PGAP1: variants seen among roughly 807,000 people sequenced by gnomAD.
The protein encoded by PGAP1 is post-GPI attachment to proteins inositol deacylase 1, also known as GPI inositol-deacylase.
Under a neutral mutation model 127.0 loss-of-function variants are expected in PGAP1, and 76 were observed. The ratio of observed to expected loss-of-function variants is 0.60; its 90% CI spans 0.50 to 0.72. The LOEUF is 0.72. PGAP1 is among the 30% of genes least tolerant of loss of function. The pLI, the probability that PGAP1 is intolerant of heterozygous loss-of-function variation, is 0.00. For missense variants in PGAP1, 982 were observed against 1,071.3 expected, an observed-to-expected ratio of 0.92 and a Z score of 1.16; for synonymous variants, 362 against 366.5, an observed-to-expected ratio of 0.99 and a Z score of 0.14.
chr2:196,912,931 T>C lies in PGAP1; in HGVS notation c.600A>G (p.Gln200=). 1 of 1,613,848 alleles carries C rather than the reference T, an allele frequency of 6.2e-7. No homozygotes were observed. Among genetic ancestry groups the C allele is most frequent in the Non-Finnish European group, 8.5e-7 (1 of 1,179,914 alleles). The change falls in exon 4 of 27, where the codon CAA becomes CAG. Residue 200 remains glutamine (Q), a synonymous_variant. Coordinates refer to ENST00000354764, the MANE Select transcript of PGAP1 (RefSeq NM_024989.4). ...KHDLINLLIT[Q]ATPHVAPVMP... ...TCACAGGAGCAACATGAGGTGTGGC[T>C]TGTGTAATAAGAAGATTTATCAGAT...
intron 20 of PGAP1, among the ~76,000 whole-genome samples, chr2:196,862,860 G>A (rs962652682): frequency 6.6e-6 from 1 of 152,158 alleles, no homozygotes; most frequent in Non-Finnish European, 1.5e-5. Context: ...GGAGGTTGTG[G>A]TGAGCTGAGA....
intron 7 of PGAP1, among the ~76,000 whole-genome samples, chr2:196,895,630 A>C (rs973418972): frequency 1.3e-5 from 2 of 152,230 alleles, no homozygotes; most frequent in African/African-American, 4.8e-5. Flanking sequence ...GGTAAAACAC[A>C]AAATGATCTG....
chr2:196,900,524 C>A (rs1368580879), intron 5 of PGAP1, among the ~76,000 whole-genome samples: 7 of 152,094 alleles, frequency 4.6e-5, no homozygotes, highest in Non-Finnish European at 2.9e-5. Context: ...TATCTGGAGG[C>A]TAAAAAATAA....
intron 20 of PGAP1, among the ~76,000 whole-genome samples, chr2:196,850,096 T>C (rs1700673508): frequency 6.6e-6 from 1 of 152,172 alleles, no homozygotes; most frequent in Non-Finnish European, 1.5e-5. Flanking sequence ...AGGGTGGCAG[T>C]GGTTGTAGTG....
chr2:196,900,295 G>A (rs994545888), intron 5 of PGAP1, among the ~76,000 whole-genome samples: 2 of 152,150 alleles, frequency 1.3e-5, no homozygotes, highest in Non-Finnish European at 2.9e-5. Context: ...TGAATAAAAC[G>A]TCAAGTTCTA....
At chr2:196,843,497 C>T (rs1157043857) in intron 25 of PGAP1, among the ~76,000 whole-genome samples, 3 of 152,136 alleles carry the variant, frequency 2.0e-5, no homozygotes, top group East Asian at 1.9e-4. Context: ...TCAACTACTA[C>T]TTGGATGAAG....
In PGAP1 at chr2:196,923,837, G is replaced by A. The variant is rs151019171; in HGVS notation, c.147+2633C>T. Among the ~76,000 whole-genome samples the A allele has an allele frequency of 1.1e-3, 167 of 152,144 alleles. No individual in the cohort carries two copies. The East Asian group carries it at 0.019, about 18-fold the overall frequency. Reference sequence around the variant, plus strand: ...CAACATTTCCTTTCAGAGAGCAACCGTTAGGTTACACATACGAAGATAGCC... The same window carrying A: ...CAACATTTCCTTTCAGAGAGCAACCATTAGGTTACACATACGAAGATAGCC... On this transcript the variant is annotated intron_variant, in intron 1 of 26. Transcript: ENST00000354764.
intron 22 of PGAP1, among the ~76,000 whole-genome samples, chr2:196,846,285 T>A (rs1700553389): frequency 6.6e-6 from 1 of 152,112 alleles, no homozygotes; most frequent in Admixed American, 6.5e-5. Flanking sequence ...CCAAAGATAA[T>A]CATTAATTAT....
chr2:196,841,752 C>T (rs191821769), intron 26 of PGAP1, among the ~76,000 whole-genome samples: 7 of 152,204 alleles, frequency 4.6e-5, no homozygotes, highest in Admixed American at 3.3e-4. Context: ...CTCCTGACCT[C>T]GTGATCCACC....
chr2:196,841,709 G>A (rs1157736520), intron 26 of PGAP1, among the ~76,000 whole-genome samples: 1 of 152,060 alleles, frequency 6.6e-6, no homozygotes, highest in African/African-American at 2.4e-5. Flanking sequence ...AGTAGAGACG[G>A]GGTTTCACTG....
At chr2:196,885,365 G>A (rs1216032198) in intron 12 of PGAP1, 59 bp downstream of exon 12, 1 of 1,120,526 alleles carries the variant, frequency 8.9e-7, no homozygotes, top group Non-Finnish European at 1.3e-6. Context: ...ATTTTAAAAT[G>A]TGTATAGACT....
At chr2:196,890,996 A>G (rs1048784340) in intron 9 of PGAP1, 85 bp from the exon 10 acceptor site, 15 of 672,672 alleles carry the variant, frequency 2.2e-5, no homozygotes, top group Admixed American at 4.8e-5. Flanking sequence ...GCAAATGAGT[A>G]ATTATTCTAA....
At chr2:196,926,375 C>G (rs1703361194) in intron 1 of PGAP1, 95 bp downstream of exon 1, 3 of 1,565,898 alleles carry the variant, frequency 1.9e-6, no homozygotes, top group African/African-American at 2.7e-5. Flanking sequence ...GCCCGAGAGG[C>G]GCAGAGAGCC....
intron 18 of PGAP1, among the ~76,000 whole-genome samples, 190 bp from the exon 19 acceptor site, chr2:196,871,169 C>T (rs1024471503): frequency 1.3e-5 from 2 of 152,106 alleles, no homozygotes; most frequent in African/African-American, 4.8e-5. Flanking sequence ...TAGAGTGTTA[C>T]TGTTTAGTAT....
intron 25 of PGAP1, 139 bp downstream of exon 25, chr2:196,843,749 T>C (rs1700479488): frequency 2.3e-6 from 1 of 443,330 alleles, no homozygotes; most frequent in Non-Finnish European, 3.6e-6. Context: ...AATAAATAAA[T>C]AAATAAATAA....
In PGAP1 at chr2:196,842,845, A is replaced by C. The variant is rs2125775256; in HGVS notation, c.2526-20T>G. On this transcript the variant is annotated intron_variant, in intron 25 of 26. Coordinates refer to ENST00000354764, the MANE Select transcript of PGAP1 (RefSeq NM_024989.4). ...TAATACCTATAATATTAAAAAAAGA[A>C]ACCCACAAATCAACAATGACCTGAT... 8.3e-7 allele frequency: 1 copy of C among 1,210,528 alleles called. No individual in the cohort carries two copies. The highest frequency in any genetic ancestry group is 2.4e-5 in the East Asian group (1 of 41,152). 75.0% of individuals were successfully genotyped at this position (1,210,528 alleles called of 1,614,324 possible). A position where few individuals can be genotyped will look rare whatever the true frequency, so the allele number is the denominator to read the frequency against.
At chr2:196,876,894 A>C (rs942871997) in intron 13 of PGAP1, among the ~76,000 whole-genome samples, 10 of 152,012 alleles carry the variant, frequency 6.6e-5, no homozygotes, top group African/African-American at 2.4e-4. Context: ...CCCTCCTTAC[A>C]AGGCAAAGAA....
At position 196,902,721 on chromosome 2, in the gene PGAP1, T is replaced by C. The variant is rs776330066; in HGVS notation, c.671A>G (p.Asn224Ser). 21 of 1,607,372 alleles carry C rather than the reference T, an allele frequency of 1.3e-5. No homozygotes were observed. The South Asian group carries it at 1.9e-4, about 15-fold the overall frequency. ...GTGTCGAGCATTTAGAATCCAATAG[T>C]TGTTTACAGTCGTATAAAAATCTGG... ...FITDFYTTVNNYWILNARHIN... is the reference protein window; with the variant it reads ...FITDFYTTVNSYWILNARHIN... The change falls in exon 5 of 27, where the codon AAC becomes AGC. Residue 224 changes from asparagine (N) to serine (S), a missense_variant. Physicochemically the swap from Asn to Ser is conservative, Grantham distance 46 (BLOSUM62 1). Coordinates refer to ENST00000354764, the MANE Select transcript of PGAP1 (RefSeq NM_024989.4).
intron 19 of PGAP1, 65 bp downstream of exon 19, chr2:196,870,876 A>C (rs186443997): frequency 2.1e-6 from 3 of 1,407,260 alleles, no homozygotes; most frequent in Admixed American, 1.9e-5. Flanking sequence ...AAAGTCTACA[A>C]CCCTTCCTTA....
Sources: gnomAD v4.1 joint callset for allele counts (sites outside exome capture counted in the v4.1 genomes callset) on GRCh38, gnomAD v4.1.1 for gene constraint, MANE v1.5 for transcripts, NCBI Gene and HGNC (gene_info 2026-07-23, HGNC 2026-07-21) for gene names.